LIMS2: variants seen among roughly 807,000 people sequenced by gnomAD.
LIMS2 encodes the protein LIM and senescent cell antigen-like-containing domain protein 2.
LIMS2 carries 30 observed loss-of-function variants against 45.3 expected under a neutral mutation model. The observed-to-expected ratio is 0.66, with a 90% CI of 0.50 to 0.90. LIMS2 has a LOEUF of 0.90. LIMS2 is among the 40% of genes least tolerant of loss of function. LIMS2 has a pLI of 0.00. For missense variants in LIMS2, 485 were observed against 468.7 expected (o/e 1.03, Z -0.32); for synonymous variants, 173 against 188.0 (o/e 0.92, Z 0.65).
Position 127,653,252 on chromosome 2 carries a change from C to T in LIMS2, c.359+1172G>A, listed in dbSNP as rs1378584708. Among the ~76,000 whole-genome samples, 3 of 152,150 alleles carry T rather than the reference C, an allele frequency of 2.0e-5. No individual in the cohort carries two copies. The highest frequency in any genetic ancestry group is 7.2e-5 in the African/African-American group (3 of 41,442). ...TGCGGGAGGGAGCAGAGTGCCCGGA[C>T]AGAGAGAGTGTGGCAGGGGAAGCAT... On this transcript the variant is annotated intron_variant, in intron 4 of 9. Coordinates refer to ENST00000355119, the MANE Select transcript of LIMS2 (RefSeq NM_001161403.3). The surrounding 1 kb of genome is among the most constrained non-coding windows in gnomAD (Gnocchi z 5.3).
At position 127,653,626 on chromosome 2, in the gene LIMS2, G is replaced by A. The variant is rs1012552842; in HGVS notation, c.359+798C>T. Among the ~76,000 whole-genome samples the A allele has an allele frequency of 2.6e-5, 4 of 151,988 alleles. No homozygotes were observed. The highest frequency in any genetic ancestry group is 9.7e-5 in the African/African-American group (4 of 41,388). Reference sequence around the variant, plus strand: ...AGTGAGCAGGTGCAGCTGTGGGGGCGGGCAGAACCACAGGAACTCAGGGTC... The same window carrying A: ...AGTGAGCAGGTGCAGCTGTGGGGGCAGGCAGAACCACAGGAACTCAGGGTC... On this transcript the variant is annotated intron_variant, in intron 4 of 9. Coordinates refer to ENST00000355119, the MANE Select transcript of LIMS2 (RefSeq NM_001161403.3). The surrounding 1 kb of genome is among the most constrained non-coding windows in gnomAD (Gnocchi z 5.3).
chr2:127,676,653 G>T (rs1173162516), upstream of LIMS2, among the ~76,000 whole-genome samples: 2 of 152,138 alleles, frequency 1.3e-5, no homozygotes, highest in East Asian at 1.9e-4. Flanking sequence ...CAGGTGATCC[G>T]ACTGTCTCGA....
chr2:127,644,272 A>G (rs1682725293), intron 4 of LIMS2, among the ~76,000 whole-genome samples: 1 of 152,110 alleles, frequency 6.6e-6, no homozygotes, highest in Non-Finnish European at 1.5e-5. Flanking sequence ...AGCTGACCGA[A>G]TGCCTCGGTG....
In LIMS2 at chr2:127,664,943, G is replaced by A. The variant is rs1684928579; in HGVS notation, c.12-7381C>T. Among the ~76,000 whole-genome samples the A allele has an allele frequency of 6.6e-6, 1 of 152,212 alleles. No homozygotes were observed. The highest frequency in any genetic ancestry group is 1.5e-5 in the Non-Finnish European group (1 of 68,038). On this transcript the variant is annotated intron_variant, in intron 1 of 9. Coordinates refer to ENST00000355119, the MANE Select transcript of LIMS2 (RefSeq NM_001161403.3). This position sits in a 1 kb window ranked among gnomAD's most constrained non-coding sequence, Gnocchi z 5.5. The stretch of plus-strand genomic sequence containing the variant: ...CATCACCGTGGGGCACCCAGACCAG[G>A]GCAGAGCCGATCCTCTGGATCTGGC...
chr2:127,651,540 TGCGCCACCCA>T lies in LIMS2; in HGVS notation c.359+2874_359+2883del, dbSNP rs768699928. On this transcript the variant is annotated intron_variant, in intron 4 of 9. Coordinates refer to ENST00000355119, the MANE Select transcript of LIMS2 (RefSeq NM_001161403.3). ...GCACTACCGCAGCCATGGGGCCTCC[TGCGCCACCCA>T]GCGCATCCTGGCCCTGGCAAACCGC... 5 of 1,612,646 alleles carry T rather than the reference TGCGCCACCCA, an allele frequency of 3.1e-6. No individual in the cohort carries two copies. The South Asian group carries it at 5.5e-5, about 18-fold the overall frequency.
chr2:127,642,947 T>C lies in LIMS2; in HGVS notation c.485A>G (p.Asp162Gly). 6.4e-7 allele frequency: 1 copy of C among 1,565,462 alleles called. No homozygotes were observed. Among genetic ancestry groups the C allele is most frequent in the East Asian group, 2.4e-5 (1 of 41,886 alleles). ...LMFRSDAYHP[D>G]HFNCTHCGKE... ...CCCACAGTGGGTGCAGTTGAAGTGG[T>C]CAGGGTGGTAGGCGTCGCTCCTGAA... Residue 162 changes from aspartate (D) to glycine (G), a missense_variant, in exon 5 of 10, where the codon GAC becomes GGC. Coordinates refer to ENST00000355119, the MANE Select transcript of LIMS2 (RefSeq NM_001161403.3). This position sits in a 1 kb window ranked among gnomAD's most constrained non-coding sequence, Gnocchi z 5.3.
At chr2:127,661,882 C>G (rs1684688759) in intron 1 of LIMS2, among the ~76,000 whole-genome samples, 1 of 152,174 alleles carries the variant, frequency 6.6e-6, no homozygotes, top group South Asian at 2.1e-4. Context: ...GAGGATTGGA[C>G]TCATGTTCCT....
At position 127,664,362 on chromosome 2, in the gene LIMS2, G is replaced by A. The variant is rs898557658; in HGVS notation, c.12-6800C>T. ...GGCGCCGCCGGTACAGCCCCGACGC[G>A]GCCAGCGCACCCAGCCGGGCCGCCA... is the stretch of plus-strand genomic sequence containing the variant. On this transcript the variant is annotated intron_variant, in intron 1 of 9. Transcript: ENST00000355119. The surrounding 1 kb of genome is among the most constrained non-coding windows in gnomAD (Gnocchi z 5.5). 8.2e-7 allele frequency: 1 copy of A among 1,218,070 alleles called. No homozygotes were observed. 75.5% of individuals were successfully genotyped at this position (1,218,070 alleles called of 1,614,324 possible).
chr2:127,649,165 T>TAGGAAGGAAGGA (rs376330379), intron 4 of LIMS2, among the ~76,000 whole-genome samples: 2,597 of 134,296 alleles, frequency 0.019, 30 homozygotes, highest in Admixed American at 0.026. Flanking sequence ...GAGAGGAAGG[T>TAGGAAGGAAGGA]AGGAAGGAAG....
At chr2:127,645,489 C>T (rs1443422635) in intron 4 of LIMS2, among the ~76,000 whole-genome samples, 1 of 152,200 alleles carries the variant, frequency 6.6e-6, no homozygotes, top group African/African-American at 2.4e-5. Context: ...CCCAGGCCAG[C>T]GGTCAGATTC....
rs1291700761 is a variant in LIMS2, at chr2:127,647,484, T to A, written c.360-4412A>T. 6.6e-6 allele frequency among the ~76,000 whole-genome samples: 1 copy of A among 152,142 alleles called. No homozygotes were observed. Among genetic ancestry groups the A allele is most frequent in the Non-Finnish European group, 1.5e-5 (1 of 68,012 alleles). ...AGCCAGCACAGGCAGGCCCCCACCA[T>A]GCCAGGCAGAGTGGTCAGTCGTACC... On this transcript the variant is annotated intron_variant, in intron 4 of 9. Coordinates refer to ENST00000355119, the MANE Select transcript of LIMS2 (RefSeq NM_001161403.3). This position sits in a 1 kb window ranked among gnomAD's most constrained non-coding sequence, Gnocchi z 4.3.
At position 127,642,162 on chromosome 2, in the gene LIMS2, C is replaced by T. The variant is rs1553461520; in HGVS notation, c.547G>A (p.Glu183Lys). 3 of 1,583,888 alleles carry T rather than the reference C, an allele frequency of 1.9e-6. No individual in the cohort carries two copies. Among genetic ancestry groups the T allele is most frequent in the Non-Finnish European group, 1.7e-6 (2 of 1,161,732 alleles). The change falls in exon 6 of 10, where the codon GAG becomes AAG. Residue 183 changes from glutamate to lysine, a missense_variant. Transcript: ENST00000355119. The surrounding 1 kb of genome is among the most constrained non-coding windows in gnomAD (Gnocchi z 5.3). ...LTAEARELKG[E>K]LYCLPCHDKM... Reference sequence around the variant, plus strand: ...TCATGGCAGGGCAGGCAGTAGAGCTCACCCTTCAGCTCGCGGGCCTCGGCT... The same window carrying T: ...TCATGGCAGGGCAGGCAGTAGAGCTTACCCTTCAGCTCGCGGGCCTCGGCT...
intron 9 of LIMS2, 55 bp from the exon 10 acceptor site, chr2:127,639,483 G>C: frequency 8.8e-6 from 14 of 1,596,444 alleles, no homozygotes; most frequent in African/African-American, 1.3e-5. Context: ...TTTAACCCCA[G>C]ACAGGTGACT....
chr2:127,665,755 G>A (rs1207586400), intron 1 of LIMS2, among the ~76,000 whole-genome samples: 2 of 152,140 alleles, frequency 1.3e-5, no homozygotes, highest in African/African-American at 2.4e-5. Context: ...TCCCGACTCA[G>A]CCCATCCATG....
At chr2:127,651,643 A>G (rs1330312818) in intron 4 of LIMS2, 10 of 1,613,388 alleles carry the variant, frequency 6.2e-6, no homozygotes, top group African/African-American at 1.3e-5. Context: ...GTGGCTGAGA[A>G]GTTCCGCCAC....
rs1440883777 is a variant in LIMS2 at position 127,654,562 on chromosome 2, C to A, written c.239-18G>T. The A allele has an allele frequency of 2.9e-5, 47 of 1,614,078 alleles. No individual in the cohort carries two copies. Among genetic ancestry groups the A allele is most frequent in the Non-Finnish European group, 4.0e-5 (47 of 1,179,990 alleles). The stretch of plus-strand genomic sequence containing the variant: ...GAACTCACCTGGAAGAAGACAGGTC[C>A]CTGCTGGCTGGGGAGCACGTGCCTG... On this transcript the variant is annotated intron_variant, in intron 3 of 9. Transcript: ENST00000355119.
intron 1 of LIMS2, among the ~76,000 whole-genome samples, chr2:127,666,986 T>C (rs887792294): frequency 5.9e-5 from 9 of 152,202 alleles, no homozygotes; most frequent in African/African-American, 2.2e-4. Flanking sequence ...ACACAAAGCC[T>C]ACCCAAATCA....
rs1682618665 is a variant in LIMS2 at position 127,643,257 on chromosome 2, G to A, written c.360-185C>T. On this transcript the variant is annotated intron_variant, in intron 4 of 9. Coordinates refer to ENST00000355119, the MANE Select transcript of LIMS2 (RefSeq NM_001161403.3). ...GCCCAGAAGGTCACAAGTGTGTCCT[G>A]GGAATGGGACGCATGCTCAGCAGGA... 4.8e-6 allele frequency: 3 copies of A among 629,918 alleles called. No homozygotes were observed. The Admixed American group carries it at 8.0e-5, about 17-fold the overall frequency. 39.0% of individuals were successfully genotyped at this position (629,918 alleles called of 1,614,324 possible).
At chr2:127,676,519 C>T (rs575367005), upstream of LIMS2, among the ~76,000 whole-genome samples, 1 of 147,934 alleles carries the variant, frequency 6.8e-6, no homozygotes, top group East Asian at 2.0e-4. Context: ...TCAAGCGATT[C>T]TCCTGCCTCA....
Sources: gnomAD v4.1 joint callset for allele counts (sites outside exome capture counted in the v4.1 genomes callset) on GRCh38, gnomAD v4.1.1 for gene constraint, Gnocchi (gnomAD v3.1) non-coding constraint, MANE v1.5 for transcripts, NCBI Gene and HGNC (gene_info 2026-07-23, HGNC 2026-07-21) for gene names.